CNTNAP5: variants seen among roughly 807,000 people sequenced by gnomAD.
The protein encoded by CNTNAP5 is contactin associated protein family member 5.
A neutral mutation model predicts 150.2 loss-of-function variants in CNTNAP5; 72 were observed. That is an observed-to-expected ratio of 0.48 (90% CI 0.40 to 0.58). CNTNAP5 has a LOEUF of 0.58. Among genes scored for constraint, CNTNAP5 ranks in the 20% least tolerant of loss-of-function variants. CNTNAP5 has a pLI of 0.00. For synonymous variants in CNTNAP5, 672 were observed against 619.8 expected (o/e 1.08, Z -1.25); for missense variants, 1,636 against 1,626.2 (o/e 1.01, Z -0.10).
At chr2:124,422,141 A>C (rs993109747) in intron 4 of CNTNAP5, among the ~76,000 whole-genome samples, 5 of 152,246 alleles carry the variant, frequency 3.3e-5, no homozygotes, top group African/African-American at 1.2e-4. Context: ...CAGCATAGGC[A>C]ACAAGGTTCA....
chr2:124,752,012 G>T (rs1680738087), intron 14 of CNTNAP5, among the ~76,000 whole-genome samples: 2 of 152,130 alleles, frequency 1.3e-5, no homozygotes, highest in Middle Eastern at 3.2e-3. Context: ...CATTTTAGCT[G>T]AATCTAAGGA....
At chr2:124,497,332 C>A (rs554472508) in intron 7 of CNTNAP5, among the ~76,000 whole-genome samples, 3 of 152,266 alleles carry the variant, frequency 2.0e-5, no homozygotes, top group East Asian at 3.9e-4. Context: ...AATAGAAACA[C>A]CTCTGAGCCA....
intron 17 of CNTNAP5, among the ~76,000 whole-genome samples, chr2:124,774,581 G>C (rs1681279783): frequency 6.6e-6 from 1 of 152,152 alleles, no homozygotes; most frequent in Non-Finnish European, 1.5e-5. Flanking sequence ...TTATATTGCT[G>C]TTTTAATTCT....
At chr2:124,297,845 T>TATTATC (rs1558839235) in intron 3 of CNTNAP5, among the ~76,000 whole-genome samples, 15 of 119,550 alleles carry the variant, frequency 1.3e-4, no homozygotes, top group African/African-American at 4.6e-4. Context: ...TTATTATTAT[T>TATTATC]ATTATTATTA....
At chr2:124,506,191 G>GAA (rs541248963) in intron 8 of CNTNAP5, among the ~76,000 whole-genome samples, 66,416 of 128,986 alleles carry the variant, frequency 0.51, 15,257 homozygotes, top group Middle Eastern at 0.6. Flanking sequence ...GACTTTTAAA[G>GAA]AAAAAAAAAA....
intron 19 of CNTNAP5, among the ~76,000 whole-genome samples, chr2:124,828,076 T>C (rs776113329): frequency 9.2e-5 from 14 of 152,206 alleles, no homozygotes; most frequent in Non-Finnish European, 1.8e-4. Flanking sequence ...AAAAATGTTG[T>C]AGTTTGACAG....
chr2:124,718,348 A>G (rs186911214), intron 13 of CNTNAP5, among the ~76,000 whole-genome samples: 111 of 152,268 alleles, frequency 7.3e-4, no homozygotes, highest in African/African-American at 2.6e-3. Context: ...CACCTCGTAA[A>G]CAGTGTAAAA....
At chr2:124,883,948 A>G (rs1678024794) in intron 21 of CNTNAP5, among the ~76,000 whole-genome samples, 2 of 149,606 alleles carry the variant, frequency 1.3e-5, no homozygotes, top group Admixed American at 6.7e-5. Flanking sequence ...TTGCAAATGT[A>G]CATGTACACA....
intron 4 of CNTNAP5, among the ~76,000 whole-genome samples, chr2:124,433,724 C>A (rs1692451305): frequency 6.6e-6 from 1 of 151,876 alleles, no homozygotes; most frequent in South Asian, 2.1e-4. Context: ...GCAAAAATAA[C>A]CTAGAACAAC....
At chr2:124,219,493 A>G (rs913048090) in intron 1 of CNTNAP5, among the ~76,000 whole-genome samples, 2 of 152,036 alleles carry the variant, frequency 1.3e-5, no homozygotes, top group African/African-American at 4.8e-5. Context: ...AGAGAGTGTT[A>G]CCTGAAATAG....
intron 19 of CNTNAP5, among the ~76,000 whole-genome samples, chr2:124,817,024 C>T (rs937682374): frequency 6.6e-6 from 1 of 152,038 alleles, no homozygotes; most frequent in African/African-American, 2.4e-5. Flanking sequence ...GTGTTTCTCC[C>T]ACATAAGTAG....
At chr2:124,741,426 C>G (rs1042768180) in intron 13 of CNTNAP5, among the ~76,000 whole-genome samples, 1 of 152,146 alleles carries the variant, frequency 6.6e-6, no homozygotes, top group Non-Finnish European at 1.5e-5. Flanking sequence ...TGCAAGATTA[C>G]AGAGAGATCT....
At chr2:124,084,924 G>GTTTTGTTTTTTTTTTTTTTTTTT (rs1553435818) in intron 1 of CNTNAP5, among the ~76,000 whole-genome samples, 2 of 89,980 alleles carry the variant, frequency 2.2e-5, no homozygotes, top group African/African-American at 4.2e-5. Context: ...CAAGTTTCCT[G>GTTTTGTTTTTTTTTTTTTTTTTT]TTTTTTTTTT....
At chr2:124,189,033 C>A (rs2104691803) in intron 1 of CNTNAP5, among the ~76,000 whole-genome samples, 1 of 152,204 alleles carries the variant, frequency 6.6e-6, no homozygotes, top group Admixed American at 6.5e-5. Context: ...TCCTGCCAAA[C>A]AGACTGAAAT....
intron 1 of CNTNAP5, among the ~76,000 whole-genome samples, chr2:124,057,067 A>G (rs572910809): frequency 6.6e-6 from 1 of 152,206 alleles, no homozygotes; most frequent in East Asian, 1.9e-4. Flanking sequence ...CATGTCCAAT[A>G]CTAATCTCAT....
intron 13 of CNTNAP5, among the ~76,000 whole-genome samples, chr2:124,681,350 G>A (rs1679065401): frequency 6.6e-6 from 1 of 151,658 alleles, no homozygotes; most frequent in Non-Finnish European, 1.5e-5. Flanking sequence ...TGGGCATGGG[G>A]GCATATATTA....
Position 124,451,252 on chromosome 2 carries a change from A to G in CNTNAP5, c.918+4315A>G, listed in dbSNP as rs187753232. On this transcript the variant is annotated intron_variant, in intron 6 of 23. Coordinates refer to ENST00000682447, the MANE Select transcript of CNTNAP5 (RefSeq NM_001367498.1). ...AAATTCTTAGTCAAAAAAACAAACA[A>G]AAAATTAGATTGAACTAAACATTTT... is the stretch of plus-strand genomic sequence containing the variant. Among the ~76,000 whole-genome samples the G allele has an allele frequency of 3.1e-3, 470 of 151,462 alleles. 12 individuals carry two copies. Among genetic ancestry groups the G allele is most frequent in the Admixed American group, 0.027 (416 of 15,224 alleles).
At chr2:124,797,042 CTG>C (rs1213938288) in intron 18 of CNTNAP5, among the ~76,000 whole-genome samples, 10 of 152,350 alleles carry the variant, frequency 6.6e-5, no homozygotes, top group African/African-American at 2.2e-4. Flanking sequence ...TTCTAACACT[CTG>C]TAAGTTCAAA....
At chr2:124,030,876 G>A (rs748728630) in intron 1 of CNTNAP5, among the ~76,000 whole-genome samples, 28 of 152,016 alleles carry the variant, frequency 1.8e-4, no homozygotes, top group Non-Finnish European at 3.4e-4. Flanking sequence ...TTGACATGAC[G>A]GGTTGTAAGT....
Sources: allele counts gnomAD v4.1 joint callset (sites outside exome capture counted in the v4.1 genomes callset), GRCh38; gene constraint gnomAD v4.1.1; transcripts MANE v1.5; gene names NCBI Gene and HGNC (gene_info 2026-07-23, HGNC 2026-07-21).